The following SLC9A9 variants were observed in gnomAD, a reference collection of about 807,000 sequenced individuals.
SLC9A9 encodes sodium/hydrogen exchanger 9.
Under a neutral mutation model 77.8 loss-of-function variants are expected in SLC9A9, and 62 were observed. That is an observed-to-expected ratio of 0.80 (90% confidence interval 0.65 to 0.98). The LOEUF (loss-of-function observed/expected upper bound fraction) is 0.98. SLC9A9 is among the 50% of genes least tolerant of loss of function. SLC9A9 has a pLI of 0.00. For missense variants in SLC9A9, 775 were observed against 774.9 expected (o/e 1.00, Z 0.00); for synonymous variants, 320 against 283.5 (o/e 1.13, Z -1.29).
intron 9 of SLC9A9, among the ~76,000 whole-genome samples, chr3:143,502,509 A>G (rs1399958156): frequency 6.6e-6 from 1 of 152,196 alleles, no homozygotes; most frequent in Non-Finnish European, 1.5e-5. Context: ...AAATATGTTT[A>G]TCACTAATTC....
At chr3:143,378,543 CA>C (rs2033233433) in intron 13 of SLC9A9, among the ~76,000 whole-genome samples, 2 of 152,178 alleles carry the variant, frequency 1.3e-5, no homozygotes, top group South Asian at 4.2e-4. Context: ...GATCAAATGG[CA>C]AAAGGGAAAA....
chr3:143,784,336 A>G (rs144833780), intron 4 of SLC9A9, among the ~76,000 whole-genome samples: 411 of 152,218 alleles, frequency 2.7e-3, no homozygotes, highest in African/African-American at 9.5e-3. Context: ...TTCTAAATAT[A>G]CCACTTAAGT....
intron 14 of SLC9A9, among the ~76,000 whole-genome samples, chr3:143,334,922 T>C (rs1020084623): frequency 2.6e-5 from 4 of 151,762 alleles, no homozygotes; most frequent in African/African-American, 9.7e-5. Context: ...CCACTGCTAT[T>C]CAACATAGTA....
chr3:143,398,316 A>G (rs988126340), intron 12 of SLC9A9, among the ~76,000 whole-genome samples: 2 of 152,186 alleles, frequency 1.3e-5, no homozygotes, highest in African/African-American at 2.4e-5. Context: ...TTGTATTCAC[A>G]CAAGATACAA....
At chr3:143,776,370 G>A (rs1452805764) in intron 4 of SLC9A9, among the ~76,000 whole-genome samples, 8 of 152,118 alleles carry the variant, frequency 5.3e-5, no homozygotes, top group Non-Finnish European at 1.0e-4. Context: ...TTTACCCCCA[G>A]TACTGTGATG....
At chr3:143,633,742 C>T (rs1410722011) in intron 6 of SLC9A9, among the ~76,000 whole-genome samples, 1 of 152,080 alleles carries the variant, frequency 6.6e-6, no homozygotes, top group Non-Finnish European at 1.5e-5. Context: ...CTATAAAATA[C>T]TATCTATTTC....
intron 2 of SLC9A9, among the ~76,000 whole-genome samples, chr3:143,801,462 C>T (rs1170568719): frequency 6.6e-6 from 1 of 152,190 alleles, no homozygotes; most frequent in Non-Finnish European, 1.5e-5. Context: ...TTCAGTTATA[C>T]TCACTCTTTG....
chr3:143,380,667 A>G (rs1014321225), intron 13 of SLC9A9, among the ~76,000 whole-genome samples: 1 of 152,192 alleles, frequency 6.6e-6, no homozygotes, highest in East Asian at 1.9e-4. Context: ...TCCTGCAGTT[A>G]GGTGTGTTTC....
At chr3:143,839,756 T>C (rs2009661680) in intron 1 of SLC9A9, among the ~76,000 whole-genome samples, 1 of 152,196 alleles carries the variant, frequency 6.6e-6, no homozygotes. Flanking sequence ...GCAATCATCT[T>C]AGGAAGTTGA....
chr3:143,652,047 T>C (rs1257173840), intron 6 of SLC9A9, among the ~76,000 whole-genome samples: 1 of 152,194 alleles, frequency 6.6e-6, no homozygotes, highest in Admixed American at 6.5e-5. Flanking sequence ...CTAGGTAGTA[T>C]CTTGTAATAA....
chr3:143,799,399 G>A (rs1436084313), intron 2 of SLC9A9, among the ~76,000 whole-genome samples: 1 of 152,190 alleles, frequency 6.6e-6, no homozygotes, highest in African/African-American at 2.4e-5. Flanking sequence ...TACAATAATA[G>A]AGTAGAGGCA....
chr3:143,367,132 A>G (rs1429874218), intron 13 of SLC9A9, among the ~76,000 whole-genome samples: 1 of 152,210 alleles, frequency 6.6e-6, no homozygotes, highest in African/African-American at 2.4e-5. Flanking sequence ...GCACTTCTGA[A>G]AGAGCTTATA....
intron 14 of SLC9A9, among the ~76,000 whole-genome samples, chr3:143,349,694 G>C (rs974098716): frequency 6.6e-6 from 1 of 152,150 alleles, no homozygotes; most frequent in African/African-American, 2.4e-5. Flanking sequence ...TGTTCCAGGC[G>C]ATTGAGTCTG....
At chr3:143,567,121 G>A (rs759241151) in intron 8 of SLC9A9, among the ~76,000 whole-genome samples, 2 of 152,020 alleles carry the variant, frequency 1.3e-5, no homozygotes, top group Non-Finnish European at 2.9e-5. Context: ...TGTATACCAG[G>A]TACCTCACAG....
chr3:143,749,006 C>G (rs1935271629), intron 4 of SLC9A9, among the ~76,000 whole-genome samples: 1 of 152,098 alleles, frequency 6.6e-6, no homozygotes, highest in African/African-American at 2.4e-5. Flanking sequence ...CCCGGCCTGA[C>G]CAAGCTTTTT....
intron 12 of SLC9A9, among the ~76,000 whole-genome samples, chr3:143,420,085 T>C (rs1389451864): frequency 6.6e-6 from 1 of 152,210 alleles, no homozygotes; most frequent in Non-Finnish European, 1.5e-5. Context: ...TAGGTGTGTT[T>C]CTGGCCATGA....
intron 2 of SLC9A9, among the ~76,000 whole-genome samples, chr3:143,810,932 G>A (rs1251282286): frequency 6.6e-6 from 1 of 152,134 alleles, no homozygotes; most frequent in Non-Finnish European, 1.5e-5. Context: ...CTATGACAGG[G>A]ACACCATTCT....
intron 12 of SLC9A9, among the ~76,000 whole-genome samples, chr3:143,459,559 G>A (rs2035153142): frequency 6.6e-6 from 1 of 152,078 alleles, no homozygotes; most frequent in Non-Finnish European, 1.5e-5. Flanking sequence ...CAGTTGGGGA[G>A]CTGGGTAATG....
intron 5 of SLC9A9, among the ~76,000 whole-genome samples, chr3:143,659,350 G>A (rs1440604998): frequency 6.6e-6 from 1 of 152,178 alleles, no homozygotes; most frequent in African/African-American, 2.4e-5. Flanking sequence ...AAAGAGACAT[G>A]TTTAAAAGAC....
Sources: gnomAD v4.1 joint callset for allele counts (sites outside exome capture counted in the v4.1 genomes callset) on GRCh38, gnomAD v4.1.1 for gene constraint, MANE v1.5 for transcripts, NCBI Gene and HGNC (gene_info 2026-07-23, HGNC 2026-07-21) for gene names.